DSCAML1: variants seen among roughly 807,000 people sequenced by gnomAD.
DSCAML1 encodes cell adhesion molecule DSCAML1.
A neutral mutation model predicts 200.5 loss-of-function variants in DSCAML1; 38 were observed. The observed-to-expected ratio is 0.19, with a 90% CI of 0.15 to 0.25. DSCAML1 has a LOEUF of 0.25. DSCAML1 is among the 10% of genes least tolerant of loss of function. The pLI is 1.00. For missense variants in DSCAML1, 2,223 were observed against 2,858.8 expected, an observed-to-expected ratio of 0.78 and a Z score of 5.07; for synonymous variants, 1,215 against 1,165.0, an observed-to-expected ratio of 1.04 and a Z score of -0.87.
At chr11:117,527,878 CAGA>C (rs2050005851) in intron 4 of DSCAML1, among the ~76,000 whole-genome samples, 4 of 152,266 alleles carry the variant, frequency 2.6e-5, no homozygotes, top group East Asian at 3.9e-4. Flanking sequence ...CTGTGGGCCA[CAGA>C]AGGAGCCCGG....
At chr11:117,512,723 C>G (rs2049658336) in intron 8 of DSCAML1, among the ~76,000 whole-genome samples, 3 of 147,444 alleles carry the variant, frequency 2.0e-5, no homozygotes, top group African/African-American at 7.5e-5. Context: ...GTGCTGGGGA[C>G]TCACACGTGG....
intron 3 of DSCAML1, among the ~76,000 whole-genome samples, chr11:117,629,736 C>T (rs2052132149): frequency 6.6e-6 from 1 of 152,102 alleles, no homozygotes. Context: ...GTGGCTCGCT[C>T]CTGTAATCCC....
At chr11:117,631,289 C>G (rs1262323945) in intron 3 of DSCAML1, among the ~76,000 whole-genome samples, 2 of 152,200 alleles carry the variant, frequency 1.3e-5, no homozygotes, top group Non-Finnish European at 2.9e-5. Context: ...GAGAGTTTTT[C>G]TAGCACTCCA....
rs200110004 is a variant in DSCAML1, at chr11:117,513,204, C to T, written c.1783+3263G>A. On this transcript the variant is annotated intron_variant, in intron 8 of 32. Transcript: ENST00000651296. ...TAAAGGAGGCAGGTTGAGCTGTGTA[C>T]ACAGCCACCAAGCTGATTTGTCCCA... is the stretch of plus-strand genomic sequence containing the variant. Among the ~76,000 whole-genome samples, 12 of 152,272 alleles carry T rather than the reference C, an allele frequency of 7.9e-5. No individual in the cohort carries two copies. The East Asian group carries it at 1.4e-3, about 17-fold the overall frequency.
chr11:117,809,753 G>A (rs1591526571), intron 1 of DSCAML1, among the ~76,000 whole-genome samples: 1 of 152,218 alleles, frequency 6.6e-6, no homozygotes, highest in Non-Finnish European at 1.5e-5. Context: ...CCAGATGCTA[G>A]GTCCACCCAC....
rs764558424 is a variant in DSCAML1 at position 117,432,494 on chromosome 11, C to T, written c.5037G>A (p.Lys1679=). Residue 1679 remains lysine, a synonymous_variant, in exon 30 of 33, where the codon AAG becomes AAA. Transcript: ENST00000651296. The stretch of plus-strand genomic sequence containing the variant: ...CAGCATCTGTCACAGGGATGGTGGC[C>T]TTGTCATCTCCTGGGGAAAGAAGGA... ...KEGIKQLGDD[K]ATIPVTDAEF... is the part of the protein sequence containing the mutation. 1.2e-6 allele frequency: 2 copies of T among 1,613,872 alleles called. No homozygotes were observed. Among genetic ancestry groups the T allele is most frequent in the Non-Finnish European group, 1.7e-6 (2 of 1,179,966 alleles).
At chr11:117,662,312 C>T (rs34874964) in intron 3 of DSCAML1, among the ~76,000 whole-genome samples, 3,787 of 152,282 alleles carry the variant, frequency 0.025, 53 homozygotes, top group African/African-American at 0.035. Flanking sequence ...TTTCATGGAA[C>T]CAGTAGTTTT....
At chr11:117,671,146 C>T (rs553675301) in intron 3 of DSCAML1, among the ~76,000 whole-genome samples, 4 of 152,340 alleles carry the variant, frequency 2.6e-5, no homozygotes, top group South Asian at 2.1e-4. Flanking sequence ...GGGCAACCTG[C>T]GCCTGCAGCA....
At chr11:117,727,028 T>C (rs780869847) in intron 3 of DSCAML1, among the ~76,000 whole-genome samples, 2 of 152,186 alleles carry the variant, frequency 1.3e-5, no homozygotes, top group Non-Finnish European at 2.9e-5. Flanking sequence ...GTGTGCCAGA[T>C]AGTACACTGT....
At chr11:117,441,721 G>C (rs1400152797) in intron 21 of DSCAML1, among the ~76,000 whole-genome samples, 1 of 152,098 alleles carries the variant, frequency 6.6e-6, no homozygotes, top group Non-Finnish European at 1.5e-5. Context: ...GCATGGCGTG[G>C]GGGTGGGCTC....
chr11:117,810,502 C>T (rs2055752513), intron 1 of DSCAML1, among the ~76,000 whole-genome samples: 1 of 152,092 alleles, frequency 6.6e-6, no homozygotes, highest in South Asian at 2.1e-4. Context: ...AAACCCCCAC[C>T]CCCTTCTCCG....
In DSCAML1 at chr11:117,469,080, CTG is replaced by C. The variant is rs1215756147; in HGVS notation, c.3024+828_3024+829del. ...GGAAGAGTGGCTGGGGCTGCAGACT[CTG>C]TGTTGCAGTCTGAGCTCTGTCTCTG... On this transcript the variant is annotated intron_variant, in intron 16 of 32. Transcript: ENST00000651296. The surrounding 1 kb of genome is among the most constrained non-coding windows in gnomAD (Gnocchi z 4.1). 3.3e-5 allele frequency among the ~76,000 whole-genome samples: 5 copies of C among 152,194 alleles called. No homozygotes were observed. Among genetic ancestry groups the C allele is most frequent in the Admixed American group, 3.3e-4 (5 of 15,286 alleles).
intron 19 of DSCAML1, among the ~76,000 whole-genome samples, chr11:117,453,088 T>A (rs1040158601): frequency 6.6e-6 from 1 of 151,804 alleles, no homozygotes; most frequent in Non-Finnish European, 1.5e-5. Context: ...GCGCCCACCA[T>A]GATGCCAGGT....
At chr11:117,779,080 G>C (rs1769649720) in intron 2 of DSCAML1, among the ~76,000 whole-genome samples, 1 of 152,192 alleles carries the variant, frequency 6.6e-6, no homozygotes, top group Admixed American at 6.5e-5. Context: ...AAGTCAGAGA[G>C]GGTCTGTCAC....
intron 20 of DSCAML1, among the ~76,000 whole-genome samples, chr11:117,450,008 T>C (rs2048254387): frequency 6.6e-6 from 1 of 152,170 alleles, no homozygotes; most frequent in South Asian, 2.1e-4. Flanking sequence ...TTAGGGCAGA[T>C]ATCGCAGCCT....
chr11:117,673,583 G>T (rs547089002), intron 3 of DSCAML1, among the ~76,000 whole-genome samples: 68 of 152,296 alleles, frequency 4.5e-4, no homozygotes, highest in African/African-American at 1.6e-3. Context: ...GAGAGATGAA[G>T]GTTTACTTGA....
At chr11:117,695,941 TAGC>T (rs1459613135) in intron 3 of DSCAML1, among the ~76,000 whole-genome samples, 4 of 152,186 alleles carry the variant, frequency 2.6e-5, no homozygotes, top group Non-Finnish European at 5.9e-5. Context: ...GAACATGTAA[TAGC>T]AGCTCAATAA....
Position 117,437,207 on chromosome 11 carries a change from C to G in DSCAML1, c.4635G>C (p.Thr1545=). The change falls in exon 26 of 33, where the codon ACG becomes ACC. Residue 1545 remains threonine (T), a synonymous_variant. Transcript: ENST00000651296. The surrounding 1 kb of genome is among the most constrained non-coding windows in gnomAD (Gnocchi z 5.3). ...EVFLTELREA[T]WYELRMRACN... ...AAGCCCTCATGCGCAGCTCGTACCA[C>G]GTGGCCTCTCGCAGTTCCGTCAGAA... 1 of 1,614,224 alleles carries G rather than the reference C, an allele frequency of 6.2e-7. No homozygotes were observed. The highest frequency in any genetic ancestry group is 8.5e-7 in the Non-Finnish European group (1 of 1,180,050).
intron 3 of DSCAML1, among the ~76,000 whole-genome samples, chr11:117,577,453 CTT>C (rs1565801509): frequency 1.2e-4 from 7 of 60,088 alleles, no homozygotes; most frequent in African/African-American, 1.8e-4. Flanking sequence ...TCCTTCCTTC[CTT>C]CCTTTCCTTC....
Sources: gnomAD v4.1 joint callset for allele counts (sites outside exome capture counted in the v4.1 genomes callset) on GRCh38, gnomAD v4.1.1 for gene constraint, Gnocchi (gnomAD v3.1) non-coding constraint, MANE v1.5 for transcripts, NCBI Gene and HGNC (gene_info 2026-07-23, HGNC 2026-07-21) for gene names.